AGTPBP1: variants seen among roughly 807,000 people sequenced by gnomAD.
AGTPBP1 encodes cytosolic carboxypeptidase 1.
Under a neutral mutation model 143.9 loss-of-function variants are expected in AGTPBP1, and 70 were observed. That is an observed-to-expected ratio of 0.49 (90% CI 0.40 to 0.59). The LOEUF is 0.59. Among genes scored for constraint, AGTPBP1 ranks in the 20% least tolerant of loss-of-function variants. The pLI, the probability that AGTPBP1 is intolerant of heterozygous loss-of-function variation, is 0.00. For synonymous variants in AGTPBP1, 463 were observed against 500.2 expected (o/e 0.93, Z 0.99); for missense variants, 1,229 against 1,464.5 (o/e 0.84, Z 2.62).
intron 14 of AGTPBP1, among the ~76,000 whole-genome samples, chr9:85,621,963 T>C (rs1203874902): frequency 6.6e-6 from 1 of 152,148 alleles, no homozygotes; most frequent in Non-Finnish European, 1.5e-5. Context: ...ACCCCATCAA[T>C]ATTTAAGCTA....
At chr9:85,695,944 C>T (rs775255446) in intron 2 of AGTPBP1, among the ~76,000 whole-genome samples, 1 of 151,820 alleles carries the variant, frequency 6.6e-6, no homozygotes, top group Non-Finnish European at 1.5e-5. Flanking sequence ...CAGGTTCAAG[C>T]GATTCTCCTG....
chr9:85,702,512 T>G (rs1201886693), intron 2 of AGTPBP1, among the ~76,000 whole-genome samples: 1 of 152,146 alleles, frequency 6.6e-6, no homozygotes, highest in East Asian at 1.9e-4. Flanking sequence ...ATATCATCTC[T>G]CAATTTATCT....
At chr9:85,687,273 TTAA>T (rs1835541691) in intron 3 of AGTPBP1, among the ~76,000 whole-genome samples, 1 of 152,130 alleles carries the variant, frequency 6.6e-6, no homozygotes, top group Non-Finnish European at 1.5e-5. Flanking sequence ...GATATACAAT[TTAA>T]TAATATTTTA....
intron 14 of AGTPBP1, among the ~76,000 whole-genome samples, chr9:85,622,112 T>C (rs927165743): frequency 6.6e-6 from 1 of 152,218 alleles, no homozygotes; most frequent in African/African-American, 2.4e-5. Flanking sequence ...TGTTAATACA[T>C]AGCTACTTCT....
At chr9:85,795,276 G>A in the AGTPBP1 span, among the ~76,000 whole-genome samples, 13 of 152,124 alleles carry the variant, frequency 8.5e-5, no homozygotes, top group African/African-American at 2.7e-4. Flanking sequence ...ATGTCTCTCT[G>A]TATCTTGAGA....
chr9:85,769,839 T>C, the AGTPBP1 span, among the ~76,000 whole-genome samples: 6 of 152,154 alleles, frequency 3.9e-5, no homozygotes, highest in Non-Finnish European at 8.8e-5. Context: ...ATCTCACTAG[T>C]GGAAATATTG....
the AGTPBP1 span, among the ~76,000 whole-genome samples, chr9:85,796,270 A>G: frequency 1.3e-5 from 2 of 152,226 alleles, no homozygotes; most frequent in Non-Finnish European, 2.9e-5. Context: ...TAGCAGCCCT[A>G]GTACTAAAAT....
intron 14 of AGTPBP1, among the ~76,000 whole-genome samples, chr9:85,622,934 T>C (rs970355956): frequency 3.3e-5 from 5 of 152,254 alleles, no homozygotes; most frequent in Admixed American, 6.5e-5. Flanking sequence ...AAGGTTGATA[T>C]ATGCCACAAA....
At chr9:85,647,868 A>G (rs1832913148) in intron 11 of AGTPBP1, among the ~76,000 whole-genome samples, 1 of 152,238 alleles carries the variant, frequency 6.6e-6, no homozygotes, top group Non-Finnish European at 1.5e-5. Context: ...AGGAAAATAA[A>G]GAATTAAAAA....
chr9:85,609,523 C>G (rs1385548068), intron 17 of AGTPBP1, among the ~76,000 whole-genome samples: 1 of 152,106 alleles, frequency 6.6e-6, no homozygotes, highest in African/African-American at 2.4e-5. Context: ...CCTGGTGATC[C>G]GCCTGCCTTG....
chr9:85,786,239 C>T, the AGTPBP1 span: 1 of 1,601,320 alleles, frequency 6.2e-7, no homozygotes, highest in South Asian at 1.1e-5. Context: ...AGCTTAAGAA[C>T]ACAGCCAAAT....
At chr9:85,567,142 G>A (rs1827160629) in intron 25 of AGTPBP1, among the ~76,000 whole-genome samples, 1 of 152,030 alleles carries the variant, frequency 6.6e-6, no homozygotes, top group South Asian at 2.1e-4. Context: ...TGGGAGTGGG[G>A]GACTCTACTT....
the AGTPBP1 span, among the ~76,000 whole-genome samples, chr9:85,801,415 T>A: frequency 6.6e-6 from 1 of 152,182 alleles, no homozygotes; most frequent in African/African-American, 2.4e-5. Context: ...AATAATCACA[T>A]CATGTAAAAC....
intron 13 of AGTPBP1, among the ~76,000 whole-genome samples, chr9:85,641,337 T>A (rs547909109): frequency 1.3e-5 from 2 of 152,342 alleles, no homozygotes; most frequent in East Asian, 3.9e-4. Context: ...ATTACTGATA[T>A]TTTCAAGTGG....
intron 15 of AGTPBP1, among the ~76,000 whole-genome samples, chr9:85,620,644 A>G (rs1830875076): frequency 6.6e-6 from 1 of 152,130 alleles, no homozygotes; most frequent in South Asian, 2.1e-4. Flanking sequence ...TATCAGTGAC[A>G]ATCCTAAATA....
At chr9:85,757,050 A>C in the AGTPBP1 span, among the ~76,000 whole-genome samples, 1 of 152,086 alleles carries the variant, frequency 6.6e-6, no homozygotes, top group Non-Finnish European at 1.5e-5. Context: ...ATGGTTACAT[A>C]AGTGTGAATA....
At chr9:85,733,220 A>G (rs1323777476) in intron 1 of AGTPBP1, among the ~76,000 whole-genome samples, 1 of 152,242 alleles carries the variant, frequency 6.6e-6, no homozygotes, top group African/African-American at 2.4e-5. Flanking sequence ...AACAGGCCAC[A>G]TATTAGGATA....
At position 85,557,210 on chromosome 9, in the gene AGTPBP1, A is replaced by C. The variant is rs768663463; in HGVS notation, c.3504-9924T>G. On this transcript the variant is annotated intron_variant, in intron 25 of 25. Transcript: ENST00000357081. Reference sequence around the variant, plus strand: ...CCAGACTAATAATCACTAATTTGATACCTATCTACATCTCAATTATAAGGA... The same window carrying C: ...CCAGACTAATAATCACTAATTTGATCCCTATCTACATCTCAATTATAAGGA... Among the ~76,000 whole-genome samples the C allele has an allele frequency of 3.9e-5, 6 of 152,172 alleles. No individual in the cohort carries two copies. The East Asian group carries it at 1.2e-3, about 29-fold the overall frequency.
At chr9:85,784,941 T>C in the AGTPBP1 span, among the ~76,000 whole-genome samples, 8 of 152,200 alleles carry the variant, frequency 5.3e-5, no homozygotes, top group Non-Finnish European at 1.2e-4. Flanking sequence ...AAATCTTGGG[T>C]CAAGTATTAC....
Sources: gnomAD v4.1 joint callset for allele counts (sites outside exome capture counted in the v4.1 genomes callset) on GRCh38, gnomAD v4.1.1 for gene constraint, MANE v1.5 for transcripts, NCBI Gene and HGNC (gene_info 2026-07-23, HGNC 2026-07-21) for gene names.